ZNF91: variants seen among roughly 807,000 people sequenced by gnomAD.
ZNF91 encodes the protein zinc finger protein 91.
A neutral mutation model predicts 12.6 loss-of-function variants in ZNF91; 7 were observed. The observed-to-expected ratio is 0.55, with a 90% confidence interval of 0.31 to 1.04. The LOEUF (loss-of-function observed/expected upper bound fraction) is 1.04, where lower values mean the gene tolerates loss of function less well. Ranked by LOEUF, ZNF91 falls within the 50% of genes least tolerant of loss-of-function variation. ZNF91 has a pLI of 0.05. For missense variants in ZNF91, 1,217 were observed against 1,385.4 expected (o/e 0.88, Z 1.93); for synonymous variants, 453 against 462.6 (o/e 0.98, Z 0.27).
Position 23,360,491 on chromosome 19 carries a change from C to G in ZNF91, c.2488G>C (p.Glu830Gln). Residue 830 changes from glutamate to glutamine, a missense_variant, in exon 4 of 4, where the codon GAA (glutamate) becomes CAA (glutamine). Transcript: ENST00000300619. ...GAGTGCTTAAAAGCTTTGCCACATTCTTTACATTTGTAGGGTTTCTCTCCA... is the reference window on the plus strand; with the variant it reads ...GAGTGCTTAAAAGCTTTGCCACATTGTTTACATTTGTAGGGTTTCTCTCCA... ...HTGEKPYKCK[E>Q]CGKAFKHSSA... 4 of 1,613,770 alleles carry G rather than the reference C, an allele frequency of 2.5e-6. No homozygotes were observed. The highest frequency in any genetic ancestry group is 3.4e-6 in the Non-Finnish European group (4 of 1,179,934).
intron 1 of ZNF91, among the ~76,000 whole-genome samples, chr19:23,330,335 G>GAA (rs200975259): frequency 1.1e-4 from 15 of 131,100 alleles, no homozygotes; most frequent in East Asian, 4.2e-4. Flanking sequence ...CGTCTCAAAA[G>GAA]AAAAAAAAAA....
At chr19:23,378,118 T>C (rs563372595) in intron 1 of ZNF91, among the ~76,000 whole-genome samples, 2 of 152,360 alleles carry the variant, frequency 1.3e-5, no homozygotes, top group Admixed American at 6.5e-5. Flanking sequence ...AGAAAACAAG[T>C]TGCTAAATGG....
intron 1 of ZNF91, among the ~76,000 whole-genome samples, chr19:23,377,297 AT>A (rs1969537832): frequency 6.6e-6 from 1 of 152,226 alleles, no homozygotes; most frequent in Non-Finnish European, 1.5e-5. Context: ...GAGACACTTA[AT>A]TAAAACAAAT....
chr19:23,343,697 C>T (rs899987578), intron 3 of ZNF91, among the ~76,000 whole-genome samples: 3 of 152,184 alleles, frequency 2.0e-5, no homozygotes, highest in Non-Finnish European at 4.4e-5. Flanking sequence ...GAGAGTAAAG[C>T]CGCTGACCCT....
rs199502898 is a variant in ZNF91, at chr19:23,380,266, C to CAAAAAAAAAAA, written c.31-5513_31-5503dup. 20 of 52,740 alleles carry CAAAAAAAAAAA rather than the reference C, an allele frequency of 3.8e-4. 2 individuals carry two copies. The highest frequency in any genetic ancestry group is 8.6e-4 in the African/African-American group (15 of 17,434). 3.3% of individuals were successfully genotyped at this position (52,740 alleles called of 1,614,324 possible). A position where few individuals can be genotyped will look rare whatever the true frequency, so the allele number is the denominator to read the frequency against. On this transcript the variant is annotated intron_variant, in intron 1 of 3. Coordinates refer to ENST00000300619, the MANE Select transcript of ZNF91 (RefSeq NM_003430.4). Reference sequence around the variant, plus strand: ...TGGGCAATGGGGGGAAAATCCGTCTCAAAAAAAAAAAAAAAAAAAAAAAAA... The same window carrying CAAAAAAAAAAA: ...TGGGCAATGGGGGGAAAATCCGTCTCAAAAAAAAAAAAAAAAAAAAAAAAAAAAAAAAAAAA...
chr19:23,356,582 CG>C (rs1968492162), downstream of ZNF91, among the ~76,000 whole-genome samples: 1 of 151,838 alleles, frequency 6.6e-6, no homozygotes, highest in Admixed American at 6.6e-5. Flanking sequence ...TGGGTACTTG[CG>C]GGGAAGAGTG....
intron 1 of ZNF91, among the ~76,000 whole-genome samples, chr19:23,393,913 T>A (rs1970149147): frequency 6.6e-6 from 1 of 152,060 alleles, no homozygotes; most frequent in African/African-American, 2.4e-5. Flanking sequence ...GAGAGGAGAA[T>A]CATTTGAGCC....
intron 3 of ZNF91, among the ~76,000 whole-genome samples, chr19:23,305,725 T>C (rs1967388512): frequency 6.6e-6 from 1 of 152,230 alleles, no homozygotes. Flanking sequence ...CAGCCAGTTC[T>C]CTAAATTTCA....
chr19:23,326,092 T>C (rs1418757427), intron 1 of ZNF91: 1 of 152,204 alleles, frequency 6.6e-6, no homozygotes, highest in Non-Finnish European at 1.5e-5. Context: ...CTCCATCCCC[T>C]TCCCCCAGCA....
intron 1 of ZNF91, among the ~76,000 whole-genome samples, chr19:23,395,076 G>A (rs940454451): frequency 3.9e-5 from 6 of 152,192 alleles, no homozygotes; most frequent in Non-Finnish European, 2.9e-5. Context: ...CGGGAGCAGA[G>A]CTGCCCAGAG....
In ZNF91 at chr19:23,391,365, A is replaced by AC. The variant is rs36101134; in HGVS notation, c.30+3959dup. ...TACCCTCAGTCTGAGCCACCATACA[A>AC]CCCCATTTTATGTTTATCCTAAGAA... is the stretch of plus-strand genomic sequence containing the variant. On this transcript the variant is annotated intron_variant, in intron 1 of 3. Coordinates refer to ENST00000300619, the MANE Select transcript of ZNF91 (RefSeq NM_003430.4). Among the ~76,000 whole-genome samples the AC allele has an allele frequency of 5.0e-4, 76 of 152,022 alleles. No individual in the cohort carries two copies. In the South Asian group the frequency reaches 0.012, roughly 23 times the overall value.
At chr19:23,384,040 G>A (rs1969798871) in intron 1 of ZNF91, among the ~76,000 whole-genome samples, 1 of 152,122 alleles carries the variant, frequency 6.6e-6, no homozygotes, top group Admixed American at 6.5e-5. Context: ...AACCTAGGAG[G>A]CAGAGGTTGC....
At chr19:23,333,056 G>C (rs1187966710) in intron 1 of ZNF91, among the ~76,000 whole-genome samples, 2 of 152,120 alleles carry the variant, frequency 1.3e-5, no homozygotes, top group African/African-American at 2.4e-5. Flanking sequence ...GATTCTGCTG[G>C]TCCTCTGTGT....
At chr19:23,333,778 A>G (rs1416758085), downstream of ZNF91, among the ~76,000 whole-genome samples, 1 of 152,180 alleles carries the variant, frequency 6.6e-6, no homozygotes, top group Non-Finnish European at 1.5e-5. Context: ...TAGTATTATT[A>G]TTATCATTGT....
At chr19:23,354,000 G>T (rs1340693391), downstream of ZNF91, among the ~76,000 whole-genome samples, 1 of 152,080 alleles carries the variant, frequency 6.6e-6, no homozygotes, top group Non-Finnish European at 1.5e-5. Context: ...ATTCACAGCA[G>T]AATTCTACCA....
downstream of ZNF91, among the ~76,000 whole-genome samples, chr19:23,354,879 A>G (rs1968449015): frequency 6.6e-6 from 1 of 152,166 alleles, no homozygotes; most frequent in South Asian, 2.1e-4. Flanking sequence ...ATAGCGGGAA[A>G]AAAATTATAT....
Position 23,358,937 on chromosome 19 carries a change from AT to A in ZNF91, c.*465del. ...GACTTTTTATAGACTTTACCACATT[AT>A]TCACACTTGTAAGATTTCTCTCCAA... On this transcript the variant is annotated 3_prime_UTR_variant, in exon 4 of 4. Transcript: ENST00000300619. 3.2e-6 allele frequency: 1 copy of A among 316,886 alleles called. No individual in the cohort carries two copies. The highest frequency in any genetic ancestry group is 3.7e-5 in the South Asian group (1 of 27,352). 19.6% of individuals were successfully genotyped at this position (316,886 alleles called of 1,614,324 possible).
intron 1 of ZNF91, among the ~76,000 whole-genome samples, chr19:23,309,854 T>A (rs1967446478): frequency 1.3e-5 from 2 of 151,786 alleles, no homozygotes; most frequent in South Asian, 4.2e-4. Context: ...AGCGTGCAGA[T>A]GAGATTGTGT....
At chr19:23,344,229 G>C (rs1325332600) in intron 3 of ZNF91, among the ~76,000 whole-genome samples, 1 of 151,894 alleles carries the variant, frequency 6.6e-6, no homozygotes, top group Non-Finnish European at 1.5e-5. Flanking sequence ...CGAGTAGCTG[G>C]GACTACTGGC....
Sources: gnomAD v4.1 joint callset for allele counts (sites outside exome capture counted in the v4.1 genomes callset) on GRCh38, gnomAD v4.1.1 for gene constraint, MANE v1.5 for transcripts, NCBI Gene and HGNC (gene_info 2026-07-23, HGNC 2026-07-21) for gene names.